GTPBP1: variants seen among roughly 807,000 people sequenced by gnomAD.
GTPBP1 encodes the protein GTP binding protein 1.
GTPBP1 carries 23 observed loss-of-function variants against 62.0 expected under a neutral mutation model. The observed-to-expected ratio is 0.37, with a 90% CI of 0.27 to 0.53. The LOEUF (loss-of-function observed/expected upper bound fraction) is 0.53, where lower values mean the gene tolerates loss of function less well. GTPBP1 is among the 20% of genes least tolerant of loss of function. GTPBP1 has a pLI of 0.89. For missense variants in GTPBP1, 640 were observed against 917.3 expected (o/e 0.70, Z 3.90); for synonymous variants, 344 against 364.4 (o/e 0.94, Z 0.64).
intron 2 of GTPBP1, 61 bp from the exon 3 acceptor site, chr22:38,715,846 G>A (rs1569277994): frequency 7.0e-7 from 1 of 1,430,090 alleles, no homozygotes; most frequent in African/African-American, 1.4e-5. Flanking sequence ...CTGGCTGGCT[G>A]GTTGGCAGGC....
chr22:38,727,458 T>C lies in GTPBP1; in HGVS notation c.1537+110T>C. 4 of 1,055,930 alleles carry C rather than the reference T, an allele frequency of 3.8e-6. No homozygotes were observed. The highest frequency in any genetic ancestry group is 5.4e-6 in the Non-Finnish European group (4 of 743,494). 65.4% of individuals were successfully genotyped at this position (1,055,930 alleles called of 1,614,324 possible). A position where few individuals can be genotyped will look rare whatever the true frequency, so the allele number is the denominator to read the frequency against. On this transcript the variant is annotated intron_variant, in intron 9 of 11. Transcript: ENST00000216044. The surrounding 1 kb of genome is among the most constrained non-coding windows in gnomAD (Gnocchi z 6.5). ...TCCAGCTGCAGCTGGGTGGTAGGCC[T>C]CCTTCCTGTTTAGTGATGCCGTTCC...
chr22:38,727,446 G>GGAACTA lies in GTPBP1; in HGVS notation c.1537+99_1537+100insAACTAG. 1.7e-6 allele frequency: 2 copies of GGAACTA among 1,209,186 alleles called. No individual in the cohort carries two copies. Among genetic ancestry groups the GGAACTA allele is most frequent in the Non-Finnish European group, 2.3e-6 (2 of 878,488 alleles). The allele number at this position is 1,209,186 out of a possible 1,614,324, so 74.9% of individuals were successfully genotyped here. ...AGGCCCCCTAGTTCCAGCTGCAGCTGGGTGGTAGGCCTCCTTCCTGTTTAG... is the reference window on the plus strand; with the variant it reads ...AGGCCCCCTAGTTCCAGCTGCAGCTGGAACTAGGTGGTAGGCCTCCTTCCTGTTTAG... On this transcript the variant is annotated intron_variant, in intron 9 of 11. Coordinates refer to ENST00000216044, the MANE Select transcript of GTPBP1 (RefSeq NM_004286.5). The surrounding 1 kb of genome is among the most constrained non-coding windows in gnomAD (Gnocchi z 6.5).
downstream of GTPBP1, chr22:38,740,926 C>A (rs543315946): frequency 5.0e-6 from 7 of 1,411,938 alleles, no homozygotes; most frequent in South Asian, 3.7e-5. This position sits in a 1 kb window ranked among gnomAD's most constrained non-coding sequence, Gnocchi z 4.8. Context: ...CTCTGCTCTG[C>A]GGCTCTGCTC....
At position 38,727,121 on chromosome 22, in the gene GTPBP1, C is replaced by T. The variant is rs1360533647; in HGVS notation, c.1402-92C>T. ...AAACCAGGCAGAGTTGGGGTGGTCC[C>T]TATCCCTAGAAAGACTCTTGGTCCC... On this transcript the variant is annotated intron_variant, in intron 8 of 11. Coordinates refer to ENST00000216044, the MANE Select transcript of GTPBP1 (RefSeq NM_004286.5). This position sits in a 1 kb window ranked among gnomAD's most constrained non-coding sequence, Gnocchi z 6.5. 2.0e-5 allele frequency: 26 copies of T among 1,290,950 alleles called. No homozygotes were observed. The highest frequency in any genetic ancestry group is 2.2e-5 in the Non-Finnish European group (21 of 953,652). 80.0% of individuals were successfully genotyped at this position (1,290,950 alleles called of 1,614,324 possible). A position where few individuals can be genotyped will look rare whatever the true frequency, so the allele number is the denominator to read the frequency against.
At position 38,726,258 on chromosome 22, in the gene GTPBP1, G is replaced by T; in HGVS notation, c.1219G>T (p.Gly407Cys). The change falls in exon 8 of 12, where the codon GGT (glycine) becomes TGT (cysteine). Residue 407 changes from glycine to cysteine, a missense_variant and splice_region_variant. Physicochemically the swap from Gly to Cys is radical, Grantham distance 159. Coordinates refer to ENST00000216044, the MANE Select transcript of GTPBP1 (RefSeq NM_004286.5). The surrounding 1 kb of genome is among the most constrained non-coding windows in gnomAD (Gnocchi z 4.1). ...GAGGCCAGGGTCTTCTCCTTGGCAG[G>T]GTGTGGGGACAGTGGTTTCGGGGAC... ...FQIDDTYSVPGVGTVVSGTTL... is the reference protein window; with the variant it reads ...FQIDDTYSVPCVGTVVSGTTL... 1 of 1,613,994 alleles carries T rather than the reference G, an allele frequency of 6.2e-7. No homozygotes were observed. The highest frequency in any genetic ancestry group is 8.5e-7 in the Non-Finnish European group (1 of 1,179,980).
downstream of GTPBP1, chr22:38,740,093 A>G: frequency 8.1e-7 from 1 of 1,233,772 alleles, no homozygotes; most frequent in Non-Finnish European, 1.1e-6. This position sits in a 1 kb window ranked among gnomAD's most constrained non-coding sequence, Gnocchi z 4.8. Flanking sequence ...GGGCACTAAC[A>G]AAAACAGGAA....
chr22:38,730,822 G>A lies in GTPBP1; in HGVS notation c.*118G>A. On this transcript the variant is annotated 3_prime_UTR_variant, in exon 12 of 12. Transcript: ENST00000216044. The surrounding 1 kb of genome is among the most constrained non-coding windows in gnomAD (Gnocchi z 5.6). ...CCCTCCCGCTCAGGCCACAGCCGGA[G>A]CCTCCGCATTGCCCCCACCCCCATT... is the stretch of plus-strand genomic sequence containing the variant. The A allele has an allele frequency of 1.7e-6, 1 of 598,758 alleles. No individual in the cohort carries two copies. The highest frequency in any genetic ancestry group is 2.9e-6 in the Non-Finnish European group (1 of 348,122). The allele number at this position is 598,758 out of a possible 1,614,324, so 37.1% of individuals were successfully genotyped here.
intron 2 of GTPBP1, among the ~76,000 whole-genome samples, chr22:38,711,429 G>A (rs2092638922): frequency 1.3e-5 from 2 of 152,218 alleles, no homozygotes; most frequent in African/African-American, 4.8e-5. Flanking sequence ...TGGTGTAGTA[G>A]TGAAGATTAA....
rs1013284423 is a variant in GTPBP1 at position 38,716,565 on chromosome 22, C to T, written c.486-87C>T. 59 of 978,160 alleles carry T rather than the reference C, an allele frequency of 6.0e-5. No individual in the cohort carries two copies. The highest frequency in any genetic ancestry group is 5.2e-4 in the African/African-American group (32 of 62,132). 60.6% of individuals were successfully genotyped at this position (978,160 alleles called of 1,614,324 possible). A position where few individuals can be genotyped will look rare whatever the true frequency, so the allele number is the denominator to read the frequency against. On this transcript the variant is annotated intron_variant, in intron 3 of 11. Transcript: ENST00000216044. The surrounding 1 kb of genome is among the most constrained non-coding windows in gnomAD (Gnocchi z 5.2). ...GGGGATCGGGGCAAGCCTGGACTTGCGGATCCAATTACTGGGGTTATGATG... is the reference window on the plus strand; with the variant it reads ...GGGGATCGGGGCAAGCCTGGACTTGTGGATCCAATTACTGGGGTTATGATG...
intron 1 of GTPBP1, among the ~76,000 whole-genome samples, chr22:38,707,863 T>C (rs1040967772): frequency 1.4e-4 from 22 of 152,102 alleles, no homozygotes; most frequent in African/African-American, 5.3e-4. Flanking sequence ...GTTGAATAGA[T>C]TGATTCCGGA....
At position 38,730,489 on chromosome 22, in the gene GTPBP1, G is replaced by T; in HGVS notation, c.1918-123G>T. The stretch of plus-strand genomic sequence containing the variant: ...CCCAGTAAATTCCTGGTCAGGCTAG[G>T]GTGAGGACCACGCAGCCTGCTCACG... On this transcript the variant is annotated intron_variant, in intron 11 of 11. Transcript: ENST00000216044. The surrounding 1 kb of genome is among the most constrained non-coding windows in gnomAD (Gnocchi z 5.6). 1.4e-6 allele frequency: 1 copy of T among 702,184 alleles called. No individual in the cohort carries two copies. 43.5% of individuals were successfully genotyped at this position (702,184 alleles called of 1,614,324 possible). A position where few individuals can be genotyped will look rare whatever the true frequency, so the allele number is the denominator to read the frequency against.
chr22:38,741,238 CT>C (rs1208653665), downstream of GTPBP1, among the ~76,000 whole-genome samples: 1 of 150,560 alleles, frequency 6.6e-6, no homozygotes, highest in Non-Finnish European at 1.5e-5. Context: ...GTCTGACACA[CT>C]GAGGTATCTG....
At chr22:38,741,065 G>T, downstream of GTPBP1, 1 of 1,592,106 alleles carries the variant, frequency 6.3e-7, no homozygotes, top group Non-Finnish European at 8.6e-7. Flanking sequence ...GTAGGAAGAA[G>T]GGACAAATAC....
chr22:38,721,150 GCTCACCACAAC>G (rs2092698504), intron 4 of GTPBP1, among the ~76,000 whole-genome samples: 1 of 152,154 alleles, frequency 6.6e-6, no homozygotes, highest in South Asian at 2.1e-4. Context: ...CACGATCTCG[GCTCACCACAAC>G]CTCCACCTCC....
rs397836314 is a variant in GTPBP1, at chr22:38,731,010, TTGTGTGTGTGTGTGTGTGTG to T, written c.*327_*346del. ...TATTATATGTCTCTGTCTCTCTCTA[TTGTGTGTGTGTGTGTGTGTG>T]TGTGTGTGTGTGTGTGTGTGGTGCA... On this transcript the variant is annotated 3_prime_UTR_variant, in exon 12 of 12. Coordinates refer to ENST00000216044, the MANE Select transcript of GTPBP1 (RefSeq NM_004286.5). The T allele has an allele frequency of 5.4e-5, 10 of 183,660 alleles. No homozygotes were observed. The highest frequency in any genetic ancestry group is 9.8e-5 in the Non-Finnish European group (9 of 91,540). 11.4% of individuals were successfully genotyped at this position (183,660 alleles called of 1,614,324 possible).
At chr22:38,741,045 G>A (rs373906710), downstream of GTPBP1, 85 of 1,596,944 alleles carry the variant, frequency 5.3e-5, no homozygotes, top group Middle Eastern at 3.3e-4. Context: ...TGCGAGCCTC[G>A]GACTCCTGTG....
In GTPBP1 at chr22:38,733,219, TG is replaced by T. The variant is rs1391556463; in HGVS notation, c.*2517del. Reference sequence around the variant, plus strand: ...TGCTGGTGCCTCCATAACAAGCGTCTGGCGTTGAGACCCCTGGCATGGCAGG... The same window carrying T: ...TGCTGGTGCCTCCATAACAAGCGTCTGCGTTGAGACCCCTGGCATGGCAGG... On this transcript the variant is annotated 3_prime_UTR_variant, in exon 12 of 12. Transcript: ENST00000216044. 1 of 152,310 alleles carries T rather than the reference TG, an allele frequency of 6.6e-6. No homozygotes were observed. The highest frequency in any genetic ancestry group is 1.5e-5 in the Non-Finnish European group (1 of 68,084). The allele number at this position is 152,310 out of a possible 1,614,324, so 9.4% of individuals were successfully genotyped here.
In GTPBP1 at chr22:38,730,789, C is replaced by G. The variant is rs71319010; in HGVS notation, c.*85C>G. 1.4e-6 allele frequency: 1 copy of G among 710,318 alleles called. No homozygotes were observed. Among genetic ancestry groups the G allele is most frequent in the South Asian group, 1.8e-5 (1 of 54,168 alleles). 44.0% of individuals were successfully genotyped at this position (710,318 alleles called of 1,614,324 possible). ...CAGATGGGCAGAGCAGCTATGACCG[C>G]CACCCAGCCCTCCCGCTCAGGCCAC... is the stretch of plus-strand genomic sequence containing the variant. On this transcript the variant is annotated 3_prime_UTR_variant, in exon 12 of 12. Coordinates refer to ENST00000216044, the MANE Select transcript of GTPBP1 (RefSeq NM_004286.5). This position sits in a 1 kb window ranked among gnomAD's most constrained non-coding sequence, Gnocchi z 5.6.
chr22:38,711,640 G>A (rs1404710260), intron 2 of GTPBP1, among the ~76,000 whole-genome samples: 3 of 151,964 alleles, frequency 2.0e-5, no homozygotes, highest in African/African-American at 4.8e-5. Context: ...CCAGGAGTTC[G>A]AGACCAGCCT....
Sources: allele counts gnomAD v4.1 joint callset (sites outside exome capture counted in the v4.1 genomes callset), GRCh38; gene constraint gnomAD v4.1.1; non-coding constraint Gnocchi (gnomAD v3.1); transcripts MANE v1.5; gene names NCBI Gene and HGNC (gene_info 2026-07-23, HGNC 2026-07-21).